LSG1: variants seen among roughly 807,000 people sequenced by gnomAD.
The protein encoded by LSG1 is large subunit GTPase 1 homolog.
A neutral mutation model predicts 82.6 loss-of-function variants in LSG1; 55 were observed. The observed-to-expected ratio is 0.67, with a 90% CI of 0.54 to 0.83. LSG1 has a LOEUF of 0.83. Ranked by LOEUF, LSG1 falls within the 40% of genes least tolerant of loss-of-function variation. The probability of loss-of-function intolerance (pLI) is 0.00; values close to 1 mark genes in which losing one functional copy is unlikely to be tolerated. For missense variants in LSG1, 809 were observed against 807.9 expected (o/e 1.00, Z -0.02); for synonymous variants, 272 against 282.5 (o/e 0.96, Z 0.37).
At position 194,642,137 on chromosome 3, in the gene LSG1, G is replaced by C; in HGVS notation, c.1908C>G (p.Pro636=). 6.2e-7 allele frequency: 1 copy of C among 1,613,686 alleles called. No homozygotes were observed. The highest frequency in any genetic ancestry group is 8.5e-7 in the Non-Finnish European group (1 of 1,179,990). ...TASSENGAGK[P]WKKHGNRNKK... ...TATTTCTGTTGCCATGTTTTTTCCA[G>C]GGCTTCCCCGCCCCGTTCTCAGAGC... The change falls in exon 14 of 14, where the codon CCC becomes CCG. Residue 636 remains proline (P), a synonymous_variant. Transcript: ENST00000265245.
intron 5 of LSG1, among the ~76,000 whole-genome samples, chr3:194,661,106 A>C (rs989051868): frequency 1.3e-5 from 2 of 152,244 alleles, no homozygotes; most frequent in African/African-American, 4.8e-5. Context: ...AATTAAGGTT[A>C]CCATTTAGGA....
intron 2 of LSG1, 73 bp downstream of exon 2, chr3:194,669,936 A>C (rs1340218537): frequency 1.9e-6 from 3 of 1,550,540 alleles, no homozygotes; most frequent in Non-Finnish European, 2.6e-6. Context: ...ATCTCAAAAC[A>C]AAAAACAAAA....
rs1002776658 is a variant in LSG1, at chr3:194,640,982, A to T, written c.*1086T>A. ...GCACCACACACTTTGAAGCAACCAG[A>T]TGTGATGAGGACTCAATATCAGGAG... On this transcript the variant is annotated 3_prime_UTR_variant, in exon 14 of 14. Transcript: ENST00000265245. 1 of 152,304 alleles carries T rather than the reference A, an allele frequency of 6.6e-6. No individual in the cohort carries two copies. Among genetic ancestry groups the T allele is most frequent in the Non-Finnish European group, 1.5e-5 (1 of 68,182 alleles). The allele number at this position is 152,304 out of a possible 1,614,324, so 9.4% of individuals were successfully genotyped here. A position where few individuals can be genotyped will look rare whatever the true frequency, so the allele number is the denominator to read the frequency against.
At chr3:194,663,297 C>G (rs1718972686) in intron 5 of LSG1, among the ~76,000 whole-genome samples, 1 of 152,190 alleles carries the variant, frequency 6.6e-6, no homozygotes, top group Non-Finnish European at 1.5e-5. Flanking sequence ...TGTGGGCCTT[C>G]CGAAGCCCTC....
At chr3:194,652,647 G>C in intron 8 of LSG1, 82 bp downstream of exon 8, 1 of 1,470,196 alleles carries the variant, frequency 6.8e-7, no homozygotes, top group Non-Finnish European at 9.3e-7. Context: ...AGCCTGGTTG[G>C]TCTTTGGGGT....
intron 1 of LSG1, among the ~76,000 whole-genome samples, chr3:194,670,522 G>A (rs1028757546): frequency 7.9e-5 from 12 of 152,028 alleles, no homozygotes; most frequent in African/African-American, 2.9e-4. Flanking sequence ...CCCACAATAA[G>A]AAATACATTT....
intron 5 of LSG1, among the ~76,000 whole-genome samples, chr3:194,664,138 G>A (rs187912056): frequency 6.6e-6 from 1 of 152,090 alleles, no homozygotes; most frequent in Admixed American, 6.5e-5. Context: ...TTTTTAGTAG[G>A]GACAGGGTTT....
chr3:194,658,722 A>T (rs948295752), intron 7 of LSG1, among the ~76,000 whole-genome samples: 1 of 152,182 alleles, frequency 6.6e-6, no homozygotes, highest in African/African-American at 2.4e-5. Context: ...AAAAAAATTT[A>T]AAAATACAGC....
intron 7 of LSG1, among the ~76,000 whole-genome samples, chr3:194,653,887 AC>A (rs1340880580): frequency 6.6e-6 from 1 of 152,152 alleles, no homozygotes; most frequent in Non-Finnish European, 1.5e-5. Context: ...CAAACAGAAA[AC>A]CACCACCACA....
intron 12 of LSG1, 83 bp downstream of exon 12, chr3:194,646,081 T>A: frequency 7.6e-7 from 1 of 1,323,926 alleles, no homozygotes; most frequent in South Asian, 1.2e-5. Flanking sequence ...TCCTTTATAA[T>A]CGAACAGGTT....
rs1416407494 is a variant in LSG1 at position 194,667,942 on chromosome 3, A to AAAAAAAAAAAAAAAAAAAAAT, written c.227-1371_227-1370insATTTTTTTTTTTTTTTTTTTT. ...CCGTCTCAAAAAAAAAAAAAAAAAA[A>AAAAAAAAAAAAAAAAAAAAAT]ATATATATATATATATATATATATA... On this transcript the variant is annotated intron_variant, in intron 2 of 13. Coordinates refer to ENST00000265245, the MANE Select transcript of LSG1 (RefSeq NM_018385.3). Among the ~76,000 whole-genome samples, 19 of 86,962 alleles carry AAAAAAAAAAAAAAAAAAAAAT rather than the reference A, an allele frequency of 2.2e-4. 1 individual carries two copies. The highest frequency in any genetic ancestry group is 8.5e-4 in the East Asian group (2 of 2,364). The allele number at this position is 86,962 out of a possible 152,430, so 57.1% of individuals were successfully genotyped here. A position where few individuals can be genotyped will look rare whatever the true frequency, so the allele number is the denominator to read the frequency against.
intron 7 of LSG1, among the ~76,000 whole-genome samples, chr3:194,656,117 A>G (rs1347740675): frequency 6.6e-6 from 1 of 151,994 alleles, no homozygotes; most frequent in African/African-American, 2.4e-5. Context: ...TAAAACACCA[A>G]AAGCAATGGC....
intron 11 of LSG1, among the ~76,000 whole-genome samples, chr3:194,647,335 A>G (rs1294284481): frequency 6.6e-6 from 1 of 152,228 alleles, no homozygotes; most frequent in Non-Finnish European, 1.5e-5. Context: ...TGTAGCACAT[A>G]TAACAAAGAA....
intron 7 of LSG1, 26 bp downstream of exon 7, chr3:194,658,931 C>A (rs754145951): frequency 1.5e-5 from 24 of 1,566,344 alleles, no homozygotes; most frequent in Admixed American, 7.5e-5. Context: ...TCTTTGAAAG[C>A]CAACCTAAAA....
rs996945188 is a variant in LSG1 at position 194,641,468 on chromosome 3, T to C, written c.*600A>G. 5 of 152,240 alleles carry C rather than the reference T, an allele frequency of 3.3e-5. No homozygotes were observed. The highest frequency in any genetic ancestry group is 1.2e-4 in the African/African-American group (5 of 41,444). 9.4% of individuals were successfully genotyped at this position (152,240 alleles called of 1,614,324 possible). A position where few individuals can be genotyped will look rare whatever the true frequency, so the allele number is the denominator to read the frequency against. Reference sequence around the variant, plus strand: ...TCCCTGTCACCCGGTGGTTACATTCTACATGTTCCTTAGTGGACGTGAGCC... The same window carrying C: ...TCCCTGTCACCCGGTGGTTACATTCCACATGTTCCTTAGTGGACGTGAGCC... On this transcript the variant is annotated 3_prime_UTR_variant, in exon 14 of 14. Transcript: ENST00000265245.
At chr3:194,646,737 T>A (rs143376371) in intron 11 of LSG1, among the ~76,000 whole-genome samples, 2,148 of 152,286 alleles carry the variant, frequency 0.014, 48 homozygotes, top group African/African-American at 0.049. Flanking sequence ...TTCAGGCTGG[T>A]CTTGAACTCC....
In LSG1 at chr3:194,666,517, G is replaced by C. The variant is rs755607314; in HGVS notation, c.282C>G (p.Phe94Leu). 6.2e-7 allele frequency: 1 copy of C among 1,613,774 alleles called. No homozygotes were observed. Among genetic ancestry groups the C allele is most frequent in the South Asian group, 1.1e-5 (1 of 91,062 alleles). The change falls in exon 3 of 14, where the codon TTC becomes TTG. Residue 94 changes from phenylalanine to leucine, a missense_variant. By Grantham distance (22) the Phe-to-Leu change is conservative. Coordinates refer to ENST00000265245, the MANE Select transcript of LSG1 (RefSeq NM_018385.3). Reference sequence around the variant, plus strand: ...GCTTCTTAATTCTCTGGCTCTCCTCGAAAGACAGTAGTCCAGTTCTAGCCT... The same window carrying C: ...GCTTCTTAATTCTCTGGCTCTCCTCCAAAGACAGTAGTCCAGTTCTAGCCT... ...PAEARTGLLS[F>L]EESQRIKKLH...
rs1718791025 is a variant in LSG1, at chr3:194,656,396, A to G, written c.759+2561T>C. Among the ~76,000 whole-genome samples the G allele has an allele frequency of 2.0e-5, 3 of 152,196 alleles. No individual in the cohort carries two copies. The South Asian group carries it at 6.2e-4, about 32-fold the overall frequency. On this transcript the variant is annotated intron_variant, in intron 7 of 13. Coordinates refer to ENST00000265245, the MANE Select transcript of LSG1 (RefSeq NM_018385.3). ...TATGCAGCCAAAAAACATGTGAAAA[A>G]ATGCTCATCATCACTGGCCATCAGA...
chr3:194,670,510 A>C (rs1719122248), intron 1 of LSG1, among the ~76,000 whole-genome samples: 1 of 152,208 alleles, frequency 6.6e-6, no homozygotes, highest in African/African-American at 2.4e-5. Context: ...ATTTGATATA[A>C]TCCCACAATA....
Sources: allele counts gnomAD v4.1 joint callset (sites outside exome capture counted in the v4.1 genomes callset), GRCh38; gene constraint gnomAD v4.1.1; transcripts MANE v1.5; gene names NCBI Gene and HGNC (gene_info 2026-07-23, HGNC 2026-07-21).